The following BTRC variants were observed in gnomAD, a reference collection of about 807,000 sequenced individuals.
BTRC encodes the protein F-box/WD repeat-containing protein 1A.
Under a neutral mutation model 85.5 loss-of-function variants are expected in BTRC, and 42 were observed. That is an observed-to-expected ratio of 0.49 (90% CI 0.38 to 0.64). BTRC has a LOEUF of 0.64. BTRC is among the 30% of genes least tolerant of loss of function. BTRC has a pLI of 0.00. For synonymous variants in BTRC, 255 were observed against 263.3 expected (o/e 0.97, Z 0.30); for missense variants, 594 against 743.5 (o/e 0.80, Z 2.34).
chr10:101,471,801 C>T (rs1945532403), intron 3 of BTRC, among the ~76,000 whole-genome samples: 6 of 152,128 alleles, frequency 3.9e-5, no homozygotes. Flanking sequence ...AGGTATAGAG[C>T]TGTTCAGATT....
In BTRC at chr10:101,396,879, C is replaced by G. The variant is rs111522268; in HGVS notation, c.49-33466C>G. ...GTGCAGTGGCATGATCTTGGCTCAC[C>G]GGAACCTCCGCCTCCCGGATTCAAG... On this transcript the variant is annotated intron_variant, in intron 1 of 14. Coordinates refer to ENST00000370187, the MANE Select transcript of BTRC (RefSeq NM_033637.4). Among the ~76,000 whole-genome samples, 773 of 151,710 alleles carry G rather than the reference C, an allele frequency of 5.1e-3. 7 individuals are homozygous for G. The highest frequency in any genetic ancestry group is 0.027 in the Middle Eastern group (8 of 294).
At chr10:101,448,883 T>C (rs925502169) in intron 2 of BTRC, among the ~76,000 whole-genome samples, 5 of 152,022 alleles carry the variant, frequency 3.3e-5, no homozygotes, top group Admixed American at 3.3e-4. Flanking sequence ...GAGACATGTT[T>C]TTCAGCCTTG....
At chr10:101,498,225 C>T (rs1218822806) in intron 4 of BTRC, among the ~76,000 whole-genome samples, 1 of 152,070 alleles carries the variant, frequency 6.6e-6, no homozygotes, top group East Asian at 1.9e-4. Flanking sequence ...GTGATCTCAG[C>T]TCACTGCAAC....
At chr10:101,393,525 A>T (rs1411701315) in intron 1 of BTRC, among the ~76,000 whole-genome samples, 2 of 152,236 alleles carry the variant, frequency 1.3e-5, no homozygotes, top group East Asian at 3.8e-4. Context: ...ATGCTAGGAC[A>T]TACAGGGACA....
At chr10:101,411,695 T>C (rs1406337626) in intron 1 of BTRC, among the ~76,000 whole-genome samples, 1 of 149,344 alleles carries the variant, frequency 6.7e-6, no homozygotes, top group Non-Finnish European at 1.5e-5. Flanking sequence ...AATTTTTAGG[T>C]CTGCTAATTT....
intron 1 of BTRC, among the ~76,000 whole-genome samples, chr10:101,428,381 A>G (rs1944315050): frequency 6.6e-6 from 1 of 152,196 alleles, no homozygotes; most frequent in African/African-American, 2.4e-5. Flanking sequence ...AAGTGAAGAC[A>G]ATTATTTTTC....
chr10:101,355,691 T>C (rs1165880513), intron 1 of BTRC, among the ~76,000 whole-genome samples: 1 of 152,208 alleles, frequency 6.6e-6, no homozygotes, highest in Non-Finnish European at 1.5e-5. Flanking sequence ...CCGTAACAAA[T>C]CCAGATAAAC....
intron 13 of BTRC, among the ~76,000 whole-genome samples, chr10:101,543,506 G>T: frequency 7.4e-6 from 1 of 135,340 alleles, no homozygotes; most frequent in Non-Finnish European, 1.6e-5. Context: ...CTCTGCCTTT[G>T]TCATGTTTAG....
chr10:101,482,393 C>CTTTTTTTTTTTTTTTTTTTTTT (rs55978440), intron 4 of BTRC, among the ~76,000 whole-genome samples: 3 of 99,816 alleles, frequency 3.0e-5, no homozygotes, highest in Non-Finnish European at 4.2e-5. Flanking sequence ...TTGTTTGTTT[C>CTTTTTTTTTTTTTTTTTTTTTT]TTTTTTTTTT....
At chr10:101,366,944 AT>A (rs1564730470) in intron 1 of BTRC, among the ~76,000 whole-genome samples, 1 of 52,350 alleles carries the variant, frequency 1.9e-5, no homozygotes, top group Non-Finnish European at 3.9e-5. Flanking sequence ...ATATTTATAT[AT>A]ATTTATATAT....
intron 4 of BTRC, among the ~76,000 whole-genome samples, chr10:101,481,698 C>G (rs1344587455): frequency 2.0e-5 from 3 of 152,134 alleles, no homozygotes; most frequent in African/African-American, 7.2e-5. Flanking sequence ...TTGCTCATTG[C>G]TGCTCATCAG....
chr10:101,520,893 G>A (rs1266643174), intron 4 of BTRC, among the ~76,000 whole-genome samples: 1 of 152,164 alleles, frequency 6.6e-6, no homozygotes, highest in African/African-American at 2.4e-5. Context: ...CGCCTGGGAG[G>A]TGGAAGTTGC....
At chr10:101,542,277 A>T (rs908998351) in intron 13 of BTRC, among the ~76,000 whole-genome samples, 1 of 147,848 alleles carries the variant, frequency 6.8e-6, no homozygotes, top group African/African-American at 2.5e-5. Flanking sequence ...GGTTTCATTG[A>T]TTTTTTTTTT....
intron 14 of BTRC, 132 bp downstream of exon 14, chr10:101,551,023 T>C: frequency 1.2e-6 from 1 of 806,630 alleles, no homozygotes; most frequent in South Asian, 2.1e-5. Flanking sequence ...AAGCAGACAA[T>C]GTGAGACAGG....
Position 101,532,797 on chromosome 10 carries a change from T to C in BTRC, c.979-155T>C, listed in dbSNP as rs878910140. Among the ~76,000 whole-genome samples the C allele has an allele frequency of 2.7e-4, 38 of 141,282 alleles. 1 individual carries two copies. In the South Asian group the frequency reaches 4.0e-3, roughly 15 times the overall value. 92.7% of individuals were successfully genotyped at this position (141,282 alleles called of 152,430 possible). ...GTGTGTGTGTGTGTGTGTGCGCGTG[T>C]GCGCGCGCGCGCGCTTAGCTATACC... On this transcript the variant is annotated intron_variant, in intron 8 of 14. Coordinates refer to ENST00000370187, the MANE Select transcript of BTRC (RefSeq NM_033637.4).
chr10:101,508,913 T>TAAAAAAAAAAAAAAAAAAAAA (rs59998718), intron 4 of BTRC, among the ~76,000 whole-genome samples: 9 of 101,952 alleles, frequency 8.8e-5, no homozygotes, highest in Non-Finnish European at 1.2e-4. Context: ...GACTCCATCT[T>TAAAAAAAAAAAAAAAAAAAAA]AAAAAAAAAA....
At chr10:101,405,487 C>G (rs1230321257) in intron 1 of BTRC, among the ~76,000 whole-genome samples, 1 of 152,192 alleles carries the variant, frequency 6.6e-6, no homozygotes, top group African/African-American at 2.4e-5. Context: ...TAAGCTAGAA[C>G]TAGAGGGCTT....
intron 14 of BTRC, among the ~76,000 whole-genome samples, chr10:101,551,402 A>G (rs1449499615): frequency 6.6e-6 from 1 of 152,166 alleles, no homozygotes; most frequent in African/African-American, 2.4e-5. Context: ...CCCTATCCCT[A>G]TTCCTCAACC....
At chr10:101,479,969 A>G (rs1329232135) in intron 4 of BTRC, among the ~76,000 whole-genome samples, 1 of 152,190 alleles carries the variant, frequency 6.6e-6, no homozygotes, top group East Asian at 1.9e-4. Context: ...TCATGTATAT[A>G]TGTCATCTCT....
Sources: allele counts gnomAD v4.1 joint callset (sites outside exome capture counted in the v4.1 genomes callset), GRCh38; gene constraint gnomAD v4.1.1; transcripts MANE v1.5; gene names NCBI Gene and HGNC (gene_info 2026-07-23, HGNC 2026-07-21).